Variants in MRC2 observed in about 807,000 individuals in gnomAD.
MRC2 encodes the protein mannose receptor C-type 2.
A neutral mutation model predicts 206.2 loss-of-function variants in MRC2; 84 were observed. The ratio of observed to expected loss-of-function variants is 0.41; its 90% CI spans 0.34 to 0.49. The LOEUF (loss-of-function observed/expected upper bound fraction) is 0.49. Ranked by LOEUF, MRC2 falls within the 20% of genes least tolerant of loss-of-function variation. The probability of loss-of-function intolerance (pLI) is 0.31; values close to 1 mark genes in which losing one functional copy is unlikely to be tolerated. For synonymous variants in MRC2, 798 were observed against 800.0 expected (o/e 1.00, Z 0.04); for missense variants, 1,676 against 2,001.5 (o/e 0.84, Z 3.10).
rs28521572 is a variant in MRC2, at chr17:62,686,893, C to T, written c.2947-1396C>T. On this transcript the variant is annotated intron_variant, in intron 20 of 29. Coordinates refer to ENST00000303375, the MANE Select transcript of MRC2 (RefSeq NM_006039.5). The stretch of plus-strand genomic sequence containing the variant: ...AAAATCTGCATTATTTCTGGGCTTA[C>T]AATTTTTTACCCCAAATCTGCCATC... 4.8e-3 allele frequency among the ~76,000 whole-genome samples: 734 copies of T among 152,322 alleles called. 7 individuals carry two copies. Among genetic ancestry groups the T allele is most frequent in the African/African-American group, 0.016 (668 of 41,576 alleles).
chr17:62,665,217 T>C (rs923072585), intron 2 of MRC2, among the ~76,000 whole-genome samples: 1 of 152,122 alleles, frequency 6.6e-6, no homozygotes, highest in African/African-American at 2.4e-5. Context: ...CTGGCCAACA[T>C]GGAAAAACCC....
At chr17:62,634,146 G>A (rs757495796) in intron 1 of MRC2, among the ~76,000 whole-genome samples, 2 of 152,114 alleles carry the variant, frequency 1.3e-5, no homozygotes, top group Admixed American at 6.5e-5. Flanking sequence ...GGCAATTCCC[G>A]GAACTGAGGG....
chr17:62,678,582 C>A lies in MRC2; in HGVS notation c.2131C>A (p.Leu711Met). The A allele has an allele frequency of 6.2e-7, 1 of 1,608,556 alleles. No homozygotes were observed. The highest frequency in any genetic ancestry group is 8.5e-7 in the Non-Finnish European group (1 of 1,178,644). ...QGACQELGAQ[L>M]LSLASYEEEH... ...GGCCTGCCAGGAGCTGGGGGCCCAG[C>A]TGCTGAGCCTGGCCAGCTACGAGGA... The change falls in exon 13 of 30, where the codon CTG becomes ATG. Residue 711 changes from leucine (L) to methionine (M), a missense_variant. Physicochemically the swap from Leu to Met is conservative, Grantham distance 15 (BLOSUM62 2). This residue lies in a region of MRC2 where 1,354 missense variants were observed against 1,636.6 expected (regional missense o/e 0.83). Transcript: ENST00000303375.
chr17:62,682,916 C>G (rs528320954), intron 20 of MRC2, among the ~76,000 whole-genome samples: 1 of 152,130 alleles, frequency 6.6e-6, no homozygotes, highest in South Asian at 2.1e-4. Context: ...GCTGGGATTA[C>G]AGATGTGAGC....
rs1307047562 is a variant in MRC2, at chr17:62,689,084, T to C, written c.3334+124T>C. 11 of 770,580 alleles carry C rather than the reference T, an allele frequency of 1.4e-5. No individual in the cohort carries two copies. The East Asian group carries it at 2.2e-4, about 15-fold the overall frequency. 47.7% of individuals were successfully genotyped at this position (770,580 alleles called of 1,614,324 possible). On this transcript the variant is annotated intron_variant, in intron 23 of 29. Coordinates refer to ENST00000303375, the MANE Select transcript of MRC2 (RefSeq NM_006039.5). ...AGCAGGGCTCTGCTTGGGAAGCAGA[T>C]GGGCAGAAAGGCAAGGTGCCAATAA...
chr17:62,677,834 G>T (rs964363208), intron 12 of MRC2, among the ~76,000 whole-genome samples: 4 of 152,078 alleles, frequency 2.6e-5, no homozygotes, highest in African/African-American at 9.7e-5. Flanking sequence ...GGTGGATCAC[G>T]AGGTCAGGAG....
Position 62,681,925 on chromosome 17 carries a change from ACAGC to A in MRC2, c.2797_2800del (p.Ser933GlufsTer10). The A allele has an allele frequency of 6.2e-7, 1 of 1,613,638 alleles. No individual in the cohort carries two copies. Among genetic ancestry groups the A allele is most frequent in the Non-Finnish European group, 8.5e-7 (1 of 1,179,878 alleles). The stretch of plus-strand genomic sequence containing the variant: ...CAAGGACAAGAAGTGCGTGTACATG[ACAGC>A]CAGCCGAGGTGAGGGCAAGGTGGGG... On this transcript the variant is annotated frameshift_variant, in exon 19 of 30. Coordinates refer to ENST00000303375, the MANE Select transcript of MRC2 (RefSeq NM_006039.5). LOFTEE classifies it high-confidence loss of function.
chr17:62,645,513 A>G (rs1397817887), intron 1 of MRC2, among the ~76,000 whole-genome samples: 2 of 65,880 alleles, frequency 3.0e-5, no homozygotes, highest in Non-Finnish European at 6.1e-5. Context: ...ATATATATAT[A>G]TATATATATA....
Position 62,675,966 on chromosome 17 carries a change from T to G in MRC2, c.1685+61T>G. The G allele has an allele frequency of 7.1e-7, 1 of 1,409,644 alleles. No homozygotes were observed. The allele number at this position is 1,409,644 out of a possible 1,614,324, so 87.3% of individuals were successfully genotyped here. On this transcript the variant is annotated intron_variant, in intron 10 of 29. Transcript: ENST00000303375. This position sits in a 1 kb window ranked among gnomAD's most constrained non-coding sequence, Gnocchi z 4.1. The stretch of plus-strand genomic sequence containing the variant: ...CCATGTCTGGGCCTATTGTGGTCCC[T>G]TCAGCAAACAGGGTAGCATCTGCCA...
At chr17:62,635,187 TTC>T (rs1203009213) in intron 1 of MRC2, among the ~76,000 whole-genome samples, 11 of 139,970 alleles carry the variant, frequency 7.9e-5, no homozygotes, top group East Asian at 4.0e-4. Context: ...ATTGCTATTT[TTC>T]TCTTTTTTTT....
At chr17:62,651,304 T>C (rs893134815) in intron 1 of MRC2, among the ~76,000 whole-genome samples, 2 of 151,982 alleles carry the variant, frequency 1.3e-5, no homozygotes, top group African/African-American at 4.8e-5. Flanking sequence ...GAATGGTCTC[T>C]ATCTCTTGAC....
chr17:62,675,953 C>T lies in MRC2; in HGVS notation c.1685+48C>T. 1 of 1,495,150 alleles carries T rather than the reference C, an allele frequency of 6.7e-7. No individual in the cohort carries two copies. The allele number at this position is 1,495,150 out of a possible 1,614,324, so 92.6% of individuals were successfully genotyped here. A position where few individuals can be genotyped will look rare whatever the true frequency, so the allele number is the denominator to read the frequency against. On this transcript the variant is annotated intron_variant, in intron 10 of 29. Coordinates refer to ENST00000303375, the MANE Select transcript of MRC2 (RefSeq NM_006039.5). This position sits in a 1 kb window ranked among gnomAD's most constrained non-coding sequence, Gnocchi z 4.1. ...GACTAGCCCTTGCCCATGTCTGGGC[C>T]TATTGTGGTCCCTTCAGCAAACAGG...
chr17:62,664,439 C>G lies in MRC2; in HGVS notation c.119-109C>G, dbSNP rs2088720765. 8.0e-7 allele frequency: 1 copy of G among 1,250,674 alleles called. No individual in the cohort carries two copies. The highest frequency in any genetic ancestry group is 1.5e-5 in the African/African-American group (1 of 66,930). The allele number at this position is 1,250,674 out of a possible 1,614,324, so 77.5% of individuals were successfully genotyped here. On this transcript the variant is annotated intron_variant, in intron 1 of 29. Transcript: ENST00000303375. The surrounding 1 kb of genome is among the most constrained non-coding windows in gnomAD (Gnocchi z 4.7). ...GAGTGATTTAACGTATGAGTGACGG[C>G]TCACCATCCTGCACTGGGCACATGG... is the stretch of plus-strand genomic sequence containing the variant.
chr17:62,645,505 A>C (rs1463882358), intron 1 of MRC2, among the ~76,000 whole-genome samples: 1 of 62,052 alleles, frequency 1.6e-5, no homozygotes, highest in Non-Finnish European at 3.0e-5. Flanking sequence ...TATTATATAT[A>C]TATATATATA....
intron 1 of MRC2, among the ~76,000 whole-genome samples, chr17:62,642,609 G>A (rs921576810): frequency 2.0e-5 from 3 of 152,056 alleles, no homozygotes; most frequent in Admixed American, 6.6e-5. Flanking sequence ...ACCATGCCCG[G>A]CTAATTTTTG....
At position 62,666,645 on chromosome 17, in the gene MRC2, G is replaced by C. The variant is rs1399112491; in HGVS notation, c.859+26G>C. On this transcript the variant is annotated intron_variant, in intron 4 of 29. Transcript: ENST00000303375. This position sits in a 1 kb window ranked among gnomAD's most constrained non-coding sequence, Gnocchi z 5.0. ...GTGAGCCGGGGCCTGATGCCTGCTC[G>C]TGCCTCTGGAGGGCCCGGGCCCTTT... The C allele has an allele frequency of 1.9e-6, 3 of 1,549,544 alleles. No individual in the cohort carries two copies. Among genetic ancestry groups the C allele is most frequent in the African/African-American group, 2.7e-5 (2 of 73,820 alleles).
intron 1 of MRC2, among the ~76,000 whole-genome samples, chr17:62,656,926 C>T (rs2088625847): frequency 6.6e-6 from 1 of 152,210 alleles, no homozygotes; most frequent in Non-Finnish European, 1.5e-5. Flanking sequence ...ATTATCCCCT[C>T]ATCGTAGGAA....
chr17:62,631,351 C>T (rs986413700), intron 1 of MRC2, among the ~76,000 whole-genome samples: 1 of 152,102 alleles, frequency 6.6e-6, no homozygotes, highest in Non-Finnish European at 1.5e-5. Context: ...GAGATTTGCA[C>T]ACACCTGGCG....
Position 62,672,056 on chromosome 17 carries a change from G to A in MRC2, c.1365G>A (p.Trp455Ter), listed in dbSNP as rs2088832961. ...NDLKLQMNFE[W>*]SDGSLVSFTH... Reference sequence around the variant, plus strand: ...TGAAACTGCAGATGAATTTTGAGTGGTCTGACGGGAGCCTTGTGAGCTTCA... The same window carrying A: ...TGAAACTGCAGATGAATTTTGAGTGATCTGACGGGAGCCTTGTGAGCTTCA... The change falls in exon 8 of 30, where the codon TGG becomes TGA. Residue 455 changes from tryptophan (W) to a stop codon, truncating the protein, a stop_gained. Transcript: ENST00000303375. LOFTEE classifies it high-confidence loss of function. This position sits in a 1 kb window ranked among gnomAD's most constrained non-coding sequence, Gnocchi z 4.5. 2 of 1,614,050 alleles carry A rather than the reference G, an allele frequency of 1.2e-6. No individual in the cohort carries two copies. The highest frequency in any genetic ancestry group is 1.7e-6 in the Non-Finnish European group (2 of 1,180,056).
Sources: gnomAD v4.1 joint callset for allele counts (sites outside exome capture counted in the v4.1 genomes callset) on GRCh38, gnomAD v4.1.1 for gene constraint, gnomAD v4.1.1 regional missense constraint, Gnocchi (gnomAD v3.1) non-coding constraint, MANE v1.5 for transcripts, NCBI Gene and HGNC (gene_info 2026-07-23, HGNC 2026-07-21) for gene names.